Variants in DLG1 observed in about 807,000 individuals in gnomAD.
DLG1 encodes the protein discs large MAGUK scaffold protein 1, also known as disks large homolog 1.
A neutral mutation model predicts 123.4 loss-of-function variants in DLG1; 42 were observed. That is an observed-to-expected ratio of 0.34 (90% CI 0.27 to 0.44). DLG1 has a LOEUF of 0.44. DLG1 is among the 20% of genes least tolerant of loss of function. The pLI is 1.00. For synonymous variants in DLG1, 317 were observed against 356.2 expected, an observed-to-expected ratio of 0.89 and a Z score of 1.24; for missense variants, 942 against 1,082.6, an observed-to-expected ratio of 0.87 and a Z score of 1.82.
intron 4 of DLG1, among the ~76,000 whole-genome samples, chr3:197,247,996 CTT>C (rs929723377): frequency 2.0e-5 from 3 of 152,108 alleles, no homozygotes; most frequent in African/African-American, 7.2e-5. Context: ...AAGCCTTTGA[CTT>C]TGACTCCTTT....
At chr3:197,278,425 C>A (rs1461401921) in intron 4 of DLG1, among the ~76,000 whole-genome samples, 2 of 150,744 alleles carry the variant, frequency 1.3e-5, no homozygotes, top group Non-Finnish European at 2.9e-5. Context: ...GAGCTATGAT[C>A]GCACCACTGC....
At position 197,088,013 on chromosome 3, in the gene DLG1, T is replaced by G. The variant is rs565520420; in HGVS notation, c.1662-2257A>C. On this transcript the variant is annotated intron_variant, in intron 15 of 24. Coordinates refer to ENST00000667157, the MANE Select transcript of DLG1 (RefSeq NM_001366207.1). ...TGGATGAAAATAAAATTCTAGCAACTTGGTTTATACTATTGGCAGGAGACA... is the reference window on the plus strand; with the variant it reads ...TGGATGAAAATAAAATTCTAGCAACGTGGTTTATACTATTGGCAGGAGACA... Among the ~76,000 whole-genome samples the G allele has an allele frequency of 1.4e-3, 219 of 152,278 alleles. 6 individuals carry two copies. Among genetic ancestry groups the G allele is most frequent in the Non-Finnish European group, 1.3e-4 (9 of 68,028 alleles).
At chr3:197,145,859 C>T (rs550762694) in intron 6 of DLG1, among the ~76,000 whole-genome samples, 10 of 85,236 alleles carry the variant, frequency 1.2e-4, no homozygotes, top group Admixed American at 8.0e-4. Flanking sequence ...CTACTCAGGG[C>T]GGGGGCCAAG....
intron 7 of DLG1, among the ~76,000 whole-genome samples, chr3:197,141,749 G>C (rs1032602322): frequency 2.7e-5 from 4 of 147,944 alleles, no homozygotes; most frequent in Admixed American, 6.7e-5. Flanking sequence ...TTTAGACAGA[G>C]TCTCACTCTG....
intron 4 of DLG1, among the ~76,000 whole-genome samples, chr3:197,270,026 C>T (rs896614275): frequency 1.3e-5 from 2 of 152,156 alleles, no homozygotes; most frequent in African/African-American, 2.4e-5. Flanking sequence ...GGGCAAAAGG[C>T]TAAAGTTGGA....
intron 4 of DLG1, among the ~76,000 whole-genome samples, chr3:197,222,360 G>C (rs932748629): frequency 2.0e-5 from 3 of 152,154 alleles, no homozygotes; most frequent in African/African-American, 7.2e-5. Flanking sequence ...GATGTCCACA[G>C]CTGTAGCAGC....
At chr3:197,169,802 G>A (rs1803228240) in intron 5 of DLG1, among the ~76,000 whole-genome samples, 1 of 152,128 alleles carries the variant, frequency 6.6e-6, no homozygotes, top group Non-Finnish European at 1.5e-5. Context: ...GTGCAAGCTT[G>A]TTACACAGGT....
At chr3:197,071,648 C>T (rs556119194) in intron 18 of DLG1, among the ~76,000 whole-genome samples, 115 of 152,130 alleles carry the variant, frequency 7.6e-4, no homozygotes, top group African/African-American at 2.7e-3. Flanking sequence ...AAGCATTTTA[C>T]CAAAGAAGAC....
intron 4 of DLG1, among the ~76,000 whole-genome samples, chr3:197,280,213 C>CA (rs1353559613): frequency 6.6e-6 from 1 of 152,144 alleles, no homozygotes; most frequent in Middle Eastern, 3.2e-3. Flanking sequence ...TTAGCTCCCA[C>CA]ATGAGAACAT....
rs1158709688 is a variant in DLG1, at chr3:197,044,340, A to C, written c.*283T>G. On this transcript the variant is annotated 3_prime_UTR_variant, in exon 25 of 25. Transcript: ENST00000667157. ...TTAAAGTTACTTTCCCTTAAACATT[A>C]AGGAATTTTACCACAATTTCTGCGT... 3.8e-6 allele frequency: 1 copy of C among 261,128 alleles called. No homozygotes were observed. Among genetic ancestry groups the C allele is most frequent in the African/African-American group, 2.2e-5 (1 of 45,344 alleles). 16.2% of individuals were successfully genotyped at this position (261,128 alleles called of 1,614,324 possible).
rs1373807120 is a variant in DLG1 at position 197,059,882 on chromosome 3, C to A, written c.2483+7G>T. On this transcript the variant is annotated splice_region_variant and intron_variant, in intron 23 of 24. Transcript: ENST00000667157. ...ACAGAGGCTATGCCTTAGGCATTTACACTTACATGATATTTTCCATGGATT... is the reference window on the plus strand; with the variant it reads ...ACAGAGGCTATGCCTTAGGCATTTAAACTTACATGATATTTTCCATGGATT... 1.9e-6 allele frequency: 3 copies of A among 1,594,470 alleles called. No individual in the cohort carries two copies. In the Admixed American group the frequency reaches 5.0e-5, roughly 27 times the overall value.
intron 15 of DLG1, among the ~76,000 whole-genome samples, chr3:197,086,442 A>G (rs1333344634): frequency 6.6e-6 from 1 of 152,240 alleles, no homozygotes; most frequent in East Asian, 1.9e-4. Flanking sequence ...CAAATTCTTA[A>G]GTCCAAATAA....
chr3:197,285,148 C>T (rs1245247868), intron 3 of DLG1, among the ~76,000 whole-genome samples: 1 of 151,784 alleles, frequency 6.6e-6, no homozygotes. Flanking sequence ...TGCTAGAATT[C>T]AAAGTTTGCA....
chr3:197,045,463 G>A (rs986809129), intron 24 of DLG1, among the ~76,000 whole-genome samples: 1 of 152,132 alleles, frequency 6.6e-6, no homozygotes, highest in South Asian at 2.1e-4. Flanking sequence ...GTTTATGGTT[G>A]GGCATGGTGG....
At chr3:197,137,025 A>G (rs1328845218) in intron 9 of DLG1, among the ~76,000 whole-genome samples, 1 of 152,244 alleles carries the variant, frequency 6.6e-6, no homozygotes, top group Admixed American at 6.5e-5. Context: ...GAACAAAATT[A>G]TTGAGAAGAA....
intron 23 of DLG1, among the ~76,000 whole-genome samples, chr3:197,053,803 T>C (rs2148740908): frequency 6.9e-6 from 1 of 144,702 alleles, no homozygotes; most frequent in African/African-American, 2.6e-5. Flanking sequence ...AATCTGCTGA[T>C]TGCTGGGCAA....
At chr3:197,266,317 A>G (rs1761662380) in intron 4 of DLG1, among the ~76,000 whole-genome samples, 1 of 152,198 alleles carries the variant, frequency 6.6e-6, no homozygotes, top group East Asian at 1.9e-4. Context: ...AAAACATTTT[A>G]AAAGTTACTT....
chr3:197,182,637 G>A (rs919032513), intron 5 of DLG1, among the ~76,000 whole-genome samples: 3 of 152,148 alleles, frequency 2.0e-5, no homozygotes, highest in Non-Finnish European at 2.9e-5. Flanking sequence ...CCTAAGGAAT[G>A]TGTATGTATG....
chr3:197,105,164 G>A (rs1765673198), intron 13 of DLG1, among the ~76,000 whole-genome samples, 159 bp from the exon 14 acceptor site: 1 of 152,120 alleles, frequency 6.6e-6, no homozygotes, highest in Admixed American at 6.5e-5. Context: ...ATATTGTGTA[G>A]TAAAACAAAA....
Sources: allele counts gnomAD v4.1 joint callset (sites outside exome capture counted in the v4.1 genomes callset), GRCh38; gene constraint gnomAD v4.1.1; transcripts MANE v1.5; gene names NCBI Gene and HGNC (gene_info 2026-07-23, HGNC 2026-07-21).